Variants in RFXANK observed in about 807,000 individuals in gnomAD.
The protein encoded by RFXANK is regulatory factor X associated ankyrin containing protein, also known as DNA-binding protein RFXANK.
In RFXANK, 19 loss-of-function variants were observed where a neutral mutation model predicts 34.5. That is an observed-to-expected ratio of 0.55 (90% CI 0.38 to 0.81). The LOEUF (loss-of-function observed/expected upper bound fraction) is 0.81. Among genes scored for constraint, RFXANK ranks in the 30% least tolerant of loss-of-function variants. The pLI, the probability that RFXANK is intolerant of heterozygous loss-of-function variation, is 0.00. For synonymous variants in RFXANK, 154 were observed against 149.8 expected (o/e 1.03, Z -0.20); for missense variants, 295 against 343.5 (o/e 0.86, Z 1.12).
intron 8 of RFXANK, 54 bp downstream of exon 8, chr19:19,198,777 C>T (rs79904987): frequency 1.5e-4 from 236 of 1,566,744 alleles, no homozygotes; most frequent in Admixed American, 5.0e-5. Flanking sequence ...GCGGGCCCTG[C>T]GGGAATCCTG....
chr19:19,195,089 G>C (rs555887434), intron 3 of RFXANK, among the ~76,000 whole-genome samples: 1 of 136,460 alleles, frequency 7.3e-6, no homozygotes, highest in African/African-American at 2.8e-5. Context: ...TCGCTCTGTC[G>C]CCCAGGCTGG....
chr19:19,201,287 A>C (rs2060710385), intron 9 of RFXANK: 1 of 621,098 alleles, frequency 1.6e-6, no homozygotes, highest in Non-Finnish European at 2.8e-6. Context: ...TCTGTTGCCC[A>C]AGCTGGCCTC....
intron 9 of RFXANK, among the ~76,000 whole-genome samples, chr19:19,200,018 A>C (rs1291672317): frequency 6.6e-6 from 1 of 151,992 alleles, no homozygotes; most frequent in Admixed American, 6.6e-5. Flanking sequence ...TTCGAGGCAG[A>C]AAGTCTTGCT....
rs1361658343 is a variant in RFXANK, at chr19:19,197,034, G to A, written c.259G>A (p.Ala87Thr). The A allele has an allele frequency of 6.2e-7, 1 of 1,613,530 alleles. No individual in the cohort carries two copies. The highest frequency in any genetic ancestry group is 8.5e-7 in the Non-Finnish European group (1 of 1,180,014). Residue 87 changes from alanine to threonine, a missense_variant, in exon 4 of 10, where the codon GCC becomes ACC. Coordinates refer to ENST00000303088, the MANE Select transcript of RFXANK (RefSeq NM_003721.4). ...AGGGAACGAGGTGTCAGCTCTGCCGGCCACCCTAGACTGTGAGTGGGCCCA... is the reference window on the plus strand; with the variant it reads ...AGGGAACGAGGTGTCAGCTCTGCCGACCACCCTAGACTGTGAGTGGGCCCA... ...QRGNEVSALP[A>T]TLDSLSIHQL...
intron 9 of RFXANK, 22 bp downstream of exon 9, chr19:19,199,256 CA>C: frequency 6.2e-7 from 1 of 1,611,824 alleles, no homozygotes; most frequent in South Asian, 1.1e-5. Flanking sequence ...ACACACAGAG[CA>C]GGGGTGGGGT....
chr19:19,192,718 A>G (rs1342813625), intron 1 of RFXANK, 164 bp downstream of exon 1: 1 of 152,944 alleles, frequency 6.5e-6, no homozygotes, highest in African/African-American at 2.4e-5. Flanking sequence ...AAATTCTCAG[A>G]GCCCTTTAGG....
chr19:19,201,541 C>T, intron 9 of RFXANK, 108 bp from the exon 10 acceptor site: 1 of 1,604,790 alleles, frequency 6.2e-7, no homozygotes, highest in Non-Finnish European at 8.5e-7. Flanking sequence ...ATGCAGGTCT[C>T]TGCAAGGGTC....
chr19:19,193,412 C>CTTT (rs71338310), intron 2 of RFXANK, among the ~76,000 whole-genome samples: 241 of 94,810 alleles, frequency 2.5e-3, no homozygotes, highest in Non-Finnish European at 2.9e-3. Flanking sequence ...TTTTTCCTTT[C>CTTT]TTTTTTTTTT....
At chr19:19,193,693 C>G (rs149101630) in intron 2 of RFXANK, among the ~76,000 whole-genome samples, 4 of 152,084 alleles carry the variant, frequency 2.6e-5, no homozygotes, top group Admixed American at 1.3e-4. Flanking sequence ...GGATTACAGC[C>G]GTGAGCCACT....
Position 19,198,214 on chromosome 19 carries a change from C to T in RFXANK, c.546C>T (p.Asp182=). ...IVGLLLERDV[D]INIYDWNGGT... ...GGCTGCTGCTGGAGCGTGACGTGGA[C>T]ATCAACATCTATGATTGGGTGAGGG... The change falls in exon 7 of 10, where the codon GAC becomes GAT. Residue 182 remains aspartate (D), a synonymous_variant. Transcript: ENST00000303088. 6.2e-7 allele frequency: 1 copy of T among 1,614,162 alleles called. No individual in the cohort carries two copies. Among genetic ancestry groups the T allele is most frequent in the East Asian group, 2.2e-5 (1 of 44,884 alleles).
At position 19,192,360 on chromosome 19, in the gene RFXANK, A is replaced by T; in HGVS notation, c.-344A>T. The T allele has an allele frequency of 1.7e-6, 1 of 586,434 alleles. No individual in the cohort carries two copies. The highest frequency in any genetic ancestry group is 2.0e-5 in the South Asian group (1 of 48,872). 36.3% of individuals were successfully genotyped at this position (586,434 alleles called of 1,614,324 possible). On this transcript the variant is annotated 5_prime_UTR_variant, in exon 1 of 10. Transcript: ENST00000303088. ...CGACGGCCAGGAGGCTGGTGGAGCGACACCCAGGCAGGAGAGGGGGAAGAA... is the reference window on the plus strand; with the variant it reads ...CGACGGCCAGGAGGCTGGTGGAGCGTCACCCAGGCAGGAGAGGGGGAAGAA...
chr19:19,199,319 TG>T, intron 9 of RFXANK, 85 bp downstream of exon 9: 2 of 1,273,128 alleles, frequency 1.6e-6, no homozygotes, highest in Non-Finnish European at 2.3e-6. Flanking sequence ...ACCCCTTCAG[TG>T]GTCATACGCC....
intron 8 of RFXANK, 169 bp downstream of exon 8, chr19:19,198,892 C>A: frequency 1.3e-6 from 1 of 793,288 alleles, no homozygotes; most frequent in Non-Finnish European, 2.1e-6. Context: ...GGTAGGACCA[C>A]ACGGGAGTCG....
At chr19:19,199,337 G>A (rs2060657332) in intron 9 of RFXANK, 103 bp downstream of exon 9, 14 of 1,137,812 alleles carry the variant, frequency 1.2e-5, no homozygotes, top group South Asian at 4.9e-5. Flanking sequence ...CGCCGGCAGC[G>A]AGAGTGTGTT....
At chr19:19,198,516 TA>T in intron 7 of RFXANK, 140 bp from the exon 8 acceptor site, 1 of 1,098,298 alleles carries the variant, frequency 9.1e-7, no homozygotes, top group African/African-American at 1.5e-5. Context: ...GGAAGGTGTC[TA>T]AGCTTGAGAC....
In RFXANK at chr19:19,198,106, G is replaced by C; in HGVS notation, c.439-1G>C. On this transcript the variant is annotated splice_acceptor_variant, in intron 6 of 9. Transcript: ENST00000303088. LOFTEE classifies it high-confidence loss of function. ...ACCACTGTCCCTTCTTCTCCCTGCA[G>C]GGTGCCGACCCCCACATCCTGGCAA... The C allele has an allele frequency of 6.2e-7, 1 of 1,613,912 alleles. No individual in the cohort carries two copies. Among genetic ancestry groups the C allele is most frequent in the Non-Finnish European group, 8.5e-7 (1 of 1,180,012 alleles).
intron 5 of RFXANK, 78 bp from the exon 6 acceptor site, chr19:19,197,443 A>G: frequency 6.9e-7 from 1 of 1,454,782 alleles, no homozygotes; most frequent in East Asian, 2.3e-5. Flanking sequence ...CCAGCCCCCC[A>G]CCTCGTCCCC....
Position 19,193,919 on chromosome 19 carries a change from C to T in RFXANK, c.-8-20C>T, listed in dbSNP as rs781312439. On this transcript the variant is annotated intron_variant, in intron 2 of 9. Coordinates refer to ENST00000303088, the MANE Select transcript of RFXANK (RefSeq NM_003721.4). The stretch of plus-strand genomic sequence containing the variant: ...TGTTGATAATTATTGTCATCTCTCC[C>T]CTTCTGACACCTCCGCCAGCTTTCC... 6.2e-7 allele frequency: 1 copy of T among 1,613,284 alleles called. No homozygotes were observed. The highest frequency in any genetic ancestry group is 1.3e-5 in the African/African-American group (1 of 75,044).
chr19:19,194,852 C>G (rs1443657794), intron 3 of RFXANK, among the ~76,000 whole-genome samples: 1 of 152,080 alleles, frequency 6.6e-6, no homozygotes, highest in Non-Finnish European at 1.5e-5. Flanking sequence ...AGTGAAATTA[C>G]TGGGTCAGAT....
Sources: allele counts gnomAD v4.1 joint callset (sites outside exome capture counted in the v4.1 genomes callset), GRCh38; gene constraint gnomAD v4.1.1; transcripts MANE v1.5; gene names NCBI Gene and HGNC (gene_info 2026-07-23, HGNC 2026-07-21).